Variants in FAM135B observed in about 807,000 individuals in gnomAD.
FAM135B encodes protein FAM135B.
In FAM135B, 43 loss-of-function variants were observed where a neutral mutation model predicts 127.7. The ratio of observed to expected loss-of-function variants is 0.34; its 90% CI spans 0.26 to 0.43. The LOEUF (loss-of-function observed/expected upper bound fraction) is 0.43. Ranked by LOEUF, FAM135B falls within the 20% of genes least tolerant of loss-of-function variation. The pLI is 1.00. For missense variants in FAM135B, 1,558 were observed against 1,725.6 expected (o/e 0.90, Z 1.72); for synonymous variants, 670 against 665.1 (o/e 1.01, Z -0.11).
At chr8:138,336,040 G>T (rs1395021459) in intron 2 of FAM135B, among the ~76,000 whole-genome samples, 1 of 152,110 alleles carries the variant, frequency 6.6e-6, no homozygotes, top group Non-Finnish European at 1.5e-5. Context: ...CAGAAATAAA[G>T]ATGTTCTTTG....
At chr8:138,490,912 G>A (rs1815167525) in intron 1 of FAM135B, among the ~76,000 whole-genome samples, 1 of 152,128 alleles carries the variant, frequency 6.6e-6, no homozygotes, top group Non-Finnish European at 1.5e-5. Flanking sequence ...GGGGGCCGAG[G>A]CGGGTGGATC....
At chr8:138,342,615 G>A (rs1829132038) in intron 2 of FAM135B, among the ~76,000 whole-genome samples, 1 of 152,198 alleles carries the variant, frequency 6.6e-6, no homozygotes, top group South Asian at 2.1e-4. Flanking sequence ...ATGACACTCA[G>A]TAGAAACTTC....
intron 2 of FAM135B, among the ~76,000 whole-genome samples, chr8:138,318,675 G>C (rs1393208544): frequency 1.3e-5 from 2 of 152,170 alleles, no homozygotes; most frequent in Non-Finnish European, 2.9e-5. Flanking sequence ...AGCACATTTT[G>C]TTGTATAGCT....
chr8:138,317,171 C>T (rs1348405294), intron 2 of FAM135B, among the ~76,000 whole-genome samples: 1 of 152,100 alleles, frequency 6.6e-6, no homozygotes, highest in Admixed American at 6.6e-5. Context: ...GTGGAAACTA[C>T]TCCTCAATAA....
At chr8:138,320,811 T>G (rs1373908928) in intron 2 of FAM135B, among the ~76,000 whole-genome samples, 1 of 152,160 alleles carries the variant, frequency 6.6e-6, no homozygotes, top group Non-Finnish European at 1.5e-5. Context: ...AATAAAGATT[T>G]CCCCAAACAA....
At chr8:138,289,390 C>T (rs549028782) in intron 3 of FAM135B, among the ~76,000 whole-genome samples, 1 of 152,260 alleles carries the variant, frequency 6.6e-6, no homozygotes, top group Admixed American at 6.5e-5. Context: ...ATGAATTGTT[C>T]AGTTACTCAA....
At chr8:138,155,716 TA>T (rs1221661918) in intron 12 of FAM135B, among the ~76,000 whole-genome samples, 2 of 152,110 alleles carry the variant, frequency 1.3e-5, no homozygotes, top group Middle Eastern at 3.4e-3. Flanking sequence ...TACATAATGG[TA>T]AAGGGATCAA....
intron 1 of FAM135B, among the ~76,000 whole-genome samples, chr8:138,371,923 T>C (rs1831154118): frequency 1.3e-5 from 2 of 152,344 alleles, no homozygotes; most frequent in South Asian, 4.1e-4. Flanking sequence ...CCAGGCACTC[T>C]GGCACTCTAA....
chr8:138,325,923 TG>T (rs1161929427), intron 2 of FAM135B, among the ~76,000 whole-genome samples: 5 of 152,166 alleles, frequency 3.3e-5, no homozygotes, highest in African/African-American at 1.2e-4. Flanking sequence ...TAACGAATGG[TG>T]GGTATTATTA....
At chr8:138,438,914 C>G (rs1182636442) in intron 1 of FAM135B, 1 of 152,160 alleles carries the variant, frequency 6.6e-6, no homozygotes, top group Non-Finnish European at 1.5e-5. Flanking sequence ...ATTGCCATGG[C>G]AACCTTGTGG....
At chr8:138,172,887 C>A (rs1478936226) in intron 11 of FAM135B, among the ~76,000 whole-genome samples, 1 of 152,224 alleles carries the variant, frequency 6.6e-6, no homozygotes, top group Non-Finnish European at 1.5e-5. Flanking sequence ...CCTGCCCACT[C>A]CTCCCCTACC....
chr8:138,354,654 G>A (rs915383912), intron 2 of FAM135B, among the ~76,000 whole-genome samples: 1 of 152,110 alleles, frequency 6.6e-6, no homozygotes, highest in Non-Finnish European at 1.5e-5. Context: ...GCTCTGCCCA[G>A]AATTCTTAGG....
chr8:138,146,118 ATTTC>A, intron 14 of FAM135B, 68 bp from the exon 15 acceptor site: 1 of 773,592 alleles, frequency 1.3e-6, no homozygotes, highest in East Asian at 2.6e-5. Context: ...CACACGAGGA[ATTTC>A]TTTCTCTCTC....
intron 2 of FAM135B, among the ~76,000 whole-genome samples, chr8:138,350,926 G>A (rs894616944): frequency 1.3e-5 from 2 of 152,050 alleles, no homozygotes; most frequent in African/African-American, 4.8e-5. Context: ...CATATAACCT[G>A]CTTACCTCCC....
intron 9 of FAM135B, among the ~76,000 whole-genome samples, chr8:138,182,320 T>G (rs927021428): frequency 6.6e-6 from 1 of 152,214 alleles, no homozygotes; most frequent in Non-Finnish European, 1.5e-5. Flanking sequence ...GATGGCGAGC[T>G]TGGAAGGGTT....
intron 11 of FAM135B, among the ~76,000 whole-genome samples, chr8:138,172,885 C>T (rs1820587600): frequency 1.3e-5 from 2 of 152,248 alleles, no homozygotes. Flanking sequence ...TCCCTGCCCA[C>T]TCCTCCCCTA....
chr8:138,435,881 C>A (rs1051087323), intron 1 of FAM135B, among the ~76,000 whole-genome samples: 2 of 152,106 alleles, frequency 1.3e-5, no homozygotes, highest in African/African-American at 2.4e-5. Flanking sequence ...CTGAAGTAAG[C>A]AATTCCAATC....
intron 2 of FAM135B, among the ~76,000 whole-genome samples, chr8:138,365,542 T>C (rs767931870): frequency 6.6e-5 from 10 of 152,210 alleles, no homozygotes; most frequent in Admixed American, 1.3e-4. Context: ...CTCTACTTAT[T>C]GTTAGATAGA....
At position 138,336,099 on chromosome 8, in the gene FAM135B, TC is replaced by T. The variant is rs371505783; in HGVS notation, c.78-25180del. Reference sequence around the variant, plus strand: ...ACATACCAGAATCTCTGGGACACATTCAAAGCAGTGTGTAGAGGGAAATTTA... The same window carrying T: ...ACATACCAGAATCTCTGGGACACATTAAAGCAGTGTGTAGAGGGAAATTTA... On this transcript the variant is annotated intron_variant, in intron 2 of 19. Transcript: ENST00000395297. Among the ~76,000 whole-genome samples, 352 of 152,034 alleles carry T rather than the reference TC, an allele frequency of 2.3e-3. 8 individuals are homozygous for T. The East Asian group carries it at 0.063, about 27-fold the overall frequency.
Sources: gnomAD v4.1 joint callset for allele counts (sites outside exome capture counted in the v4.1 genomes callset) on GRCh38, gnomAD v4.1.1 for gene constraint, MANE v1.5 for transcripts, NCBI Gene and HGNC (gene_info 2026-07-23, HGNC 2026-07-21) for gene names.